The following LRRC8B variants were observed in gnomAD, a reference collection of about 807,000 sequenced individuals.
LRRC8B encodes leucine rich repeat containing 8 VRAC subunit B, also known as volume-regulated anion channel subunit LRRC8B.
LRRC8B carries 23 observed loss-of-function variants against 58.8 expected under a neutral mutation model. The ratio of observed to expected loss-of-function variants is 0.39; its 90% confidence interval spans 0.28 to 0.55. LRRC8B has a LOEUF of 0.55. Among genes scored for constraint, LRRC8B ranks in the 20% least tolerant of loss-of-function variants. The probability of loss-of-function intolerance (pLI) is 0.62; values close to 1 mark genes in which losing one functional copy is unlikely to be tolerated. For synonymous variants in LRRC8B, 359 were observed against 374.1 expected (o/e 0.96, Z 0.47); for missense variants, 694 against 936.0 (o/e 0.74, Z 3.37).
At chr1:89,588,799 C>T (rs1654800288) in intron 5 of LRRC8B, among the ~76,000 whole-genome samples, 1 of 152,210 alleles carries the variant, frequency 6.6e-6, no homozygotes, top group Admixed American at 6.5e-5. Context: ...CAAAGACTCT[C>T]ATACCTGAAA....
At chr1:89,558,800 C>G (rs138329450) in intron 1 of LRRC8B, 2 of 152,164 alleles carry the variant, frequency 1.3e-5, no homozygotes, top group Non-Finnish European at 1.5e-5. Flanking sequence ...GCAACAGGGA[C>G]GGAAGGAGAG....
At chr1:89,567,124 A>T (rs941995508) in intron 1 of LRRC8B, among the ~76,000 whole-genome samples, 2 of 152,186 alleles carry the variant, frequency 1.3e-5, no homozygotes, top group South Asian at 2.1e-4. Context: ...GGTCGGTCAG[A>T]ATTGCTTTAA....
At chr1:89,525,728 C>T (rs1649640283) in intron 1 of LRRC8B, among the ~76,000 whole-genome samples, 1 of 152,100 alleles carries the variant, frequency 6.6e-6, no homozygotes, top group Non-Finnish European at 1.5e-5. Flanking sequence ...TCCTAAAGTC[C>T]ATAGATTGCC....
At chr1:89,571,913 T>C (rs2101015643) in intron 3 of LRRC8B, among the ~76,000 whole-genome samples, 1 of 152,344 alleles carries the variant, frequency 6.6e-6, no homozygotes. Context: ...TGTAGATATC[T>C]ATCAGGTCCA....
chr1:89,574,892 G>GT (rs1374837193), intron 3 of LRRC8B, among the ~76,000 whole-genome samples: 1 of 152,204 alleles, frequency 6.6e-6, no homozygotes, highest in African/African-American at 2.4e-5. Flanking sequence ...AGGCATAGCT[G>GT]TAAGACCCTT....
intron 3 of LRRC8B, among the ~76,000 whole-genome samples, chr1:89,573,030 G>C (rs1431582430): frequency 6.6e-6 from 1 of 152,168 alleles, no homozygotes; most frequent in Non-Finnish European, 1.5e-5. Context: ...GCCAGGCACG[G>C]TGGTTCACGC....
intron 1 of LRRC8B, among the ~76,000 whole-genome samples, chr1:89,528,934 C>G (rs1649901567): frequency 6.6e-6 from 1 of 152,094 alleles, no homozygotes; most frequent in Admixed American, 6.5e-5. Context: ...AGTAACATGA[C>G]CTCAGGTAGC....
intron 1 of LRRC8B, among the ~76,000 whole-genome samples, chr1:89,561,007 T>C (rs1652603650): frequency 6.7e-6 from 1 of 149,760 alleles, no homozygotes; most frequent in Non-Finnish European, 1.5e-5. Flanking sequence ...CCACCAACAG[T>C]GTAAAAGTGT....
chr1:89,591,363 G>T (rs1189821673), intron 5 of LRRC8B, among the ~76,000 whole-genome samples: 1 of 152,172 alleles, frequency 6.6e-6, no homozygotes, highest in Non-Finnish European at 1.5e-5. Context: ...TTAGAAAGAG[G>T]TTGCATTTCT....
intron 1 of LRRC8B, among the ~76,000 whole-genome samples, chr1:89,562,810 C>T (rs1652781108): frequency 1.3e-5 from 2 of 152,116 alleles, no homozygotes; most frequent in Non-Finnish European, 2.9e-5. Flanking sequence ...ATTTTCTAGA[C>T]AAATTTGGGG....
rs1367514452 is a variant in LRRC8B at position 89,594,675 on chromosome 1, A to G, written c.*1632A>G. The G allele has an allele frequency of 6.6e-6, 1 of 152,118 alleles. No individual in the cohort carries two copies. 9.4% of individuals were successfully genotyped at this position (152,118 alleles called of 1,614,324 possible). On this transcript the variant is annotated 3_prime_UTR_variant, in exon 6 of 6. Transcript: ENST00000330947. ...TTTATCTAACTCTTCTGGAAAATACATTTTGCTCCTTTTTATAAAGAGCTT... is the reference window on the plus strand; with the variant it reads ...TTTATCTAACTCTTCTGGAAAATACGTTTTGCTCCTTTTTATAAAGAGCTT...
rs1474899503 is a variant in LRRC8B at position 89,579,615 on chromosome 1, G to A, written c.-100G>A. ...GAATGAAGACAAACACAGAGATGGT[G>A]TGTCTAAGAAACTTCAAAAGGTGTA... On this transcript the variant is annotated 5_prime_UTR_variant, in exon 4 of 6. In the 5' UTR this introduces an upstream ATG that the reference lacks. Transcript: ENST00000330947. 1 of 152,656 alleles carries A rather than the reference G, an allele frequency of 6.6e-6. No homozygotes were observed. Among genetic ancestry groups the A allele is most frequent in the East Asian group, 1.9e-4 (1 of 5,198 alleles). The allele number at this position is 152,656 out of a possible 1,614,324, so 9.5% of individuals were successfully genotyped here. A position where few individuals can be genotyped will look rare whatever the true frequency, so the allele number is the denominator to read the frequency against.
rs370272171 is a variant in LRRC8B, at chr1:89,560,354, A to G, written c.-240-7893A>G. Reference sequence around the variant, plus strand: ...CTGTTTCTCTATTATTAACTCATATATAAGGCTTTAATATATCTATCTCAT... The same window carrying G: ...CTGTTTCTCTATTATTAACTCATATGTAAGGCTTTAATATATCTATCTCAT... On this transcript the variant is annotated intron_variant, in intron 1 of 5. Transcript: ENST00000330947. 1.1e-4 allele frequency among the ~76,000 whole-genome samples: 16 copies of G among 152,140 alleles called. No homozygotes were observed. In the East Asian group the frequency reaches 3.1e-3, roughly 29 times the overall value.
intron 1 of LRRC8B, among the ~76,000 whole-genome samples, chr1:89,564,849 T>G (rs184728797): frequency 6.6e-6 from 1 of 152,306 alleles, no homozygotes; most frequent in African/African-American, 2.4e-5. Flanking sequence ...CTTTTGTGTT[T>G]AATAGTCACT....
At chr1:89,586,328 A>G (rs1654620119) in intron 5 of LRRC8B, among the ~76,000 whole-genome samples, 1 of 152,234 alleles carries the variant, frequency 6.6e-6, no homozygotes. Flanking sequence ...CCATTTAATT[A>G]TGCAGGTGAT....
In LRRC8B at chr1:89,584,645, T is replaced by C. The variant is rs1261320246; in HGVS notation, c.1995T>C (p.His665=). 7.4e-6 allele frequency: 12 copies of C among 1,613,936 alleles called. No homozygotes were observed. The highest frequency in any genetic ancestry group is 1.0e-5 in the Non-Finnish European group (12 of 1,180,020). The change falls in exon 5 of 6, where the codon CAT becomes CAC. Residue 665 remains histidine, a synonymous_variant. Transcript: ENST00000330947. ...ACCTAGAGCAGCTCTCTTTGGACCA[T>C]AATAATATTGAGAATCTGCCCTTGC... ...LSNLEQLSLD[H]NNIENLPLQL... is the part of the protein sequence containing the mutation.
chr1:89,526,443 G>T (rs1649707911), intron 1 of LRRC8B, among the ~76,000 whole-genome samples: 1 of 152,192 alleles, frequency 6.6e-6, no homozygotes, highest in Non-Finnish European at 1.5e-5. Context: ...TGAAACTCCT[G>T]ACCTCAAGTG....
At chr1:89,540,603 C>T (rs1650890794) in intron 1 of LRRC8B, among the ~76,000 whole-genome samples, 1 of 152,188 alleles carries the variant, frequency 6.6e-6, no homozygotes, top group Admixed American at 6.5e-5. Context: ...CGTGGCACAG[C>T]CTCTGCCAGG....
intron 5 of LRRC8B, among the ~76,000 whole-genome samples, chr1:89,587,600 T>A (rs1205743762): frequency 6.6e-6 from 1 of 152,088 alleles, no homozygotes; most frequent in African/African-American, 2.4e-5. Context: ...ACAAAGAAAT[T>A]CAAGCCAATT....
Sources: allele counts gnomAD v4.1 joint callset (sites outside exome capture counted in the v4.1 genomes callset), GRCh38; gene constraint gnomAD v4.1.1; transcripts MANE v1.5; gene names NCBI Gene and HGNC (gene_info 2026-07-23, HGNC 2026-07-21).